The following ERI1 variants were observed in gnomAD, a reference collection of about 807,000 sequenced individuals.
ERI1 encodes the protein exoribonuclease 1, also known as 3'-5' exoribonuclease 1.
In ERI1, 39 loss-of-function variants were observed where a neutral mutation model predicts 39.7. The ratio of observed to expected loss-of-function variants is 0.98; its 90% CI spans 0.76 to 1.28. The LOEUF is 1.28. Among genes scored for constraint, ERI1 ranks in the 50% most tolerant of loss-of-function variants. The pLI is 0.00. For synonymous variants in ERI1, 204 were observed against 149.6 expected, an observed-to-expected ratio of 1.36 and a Z score of -2.65; for missense variants, 581 against 416.9, an observed-to-expected ratio of 1.39 and a Z score of -3.43.
chr8:9,048,394 T>C (rs1798245910), intron 3 of ERI1: 1 of 154,382 alleles, frequency 6.5e-6, no homozygotes, highest in East Asian at 1.9e-4. Context: ...CCTGGCACAT[T>C]ACTCAATTGA....
chr8:9,026,246 T>C (rs1818462392), intron 6 of ERI1, among the ~76,000 whole-genome samples: 5 of 152,190 alleles, frequency 3.3e-5, no homozygotes, highest in Admixed American at 1.3e-4. Context: ...ATAACACTTG[T>C]TGTTCACTTA....
intron 6 of ERI1, among the ~76,000 whole-genome samples, chr8:9,021,787 T>C (rs1817933280): frequency 6.7e-6 from 1 of 148,930 alleles, no homozygotes; most frequent in African/African-American, 2.5e-5. Context: ...TTTTTTTTTT[T>C]TTCAATATTA....
At chr8:9,063,148 C>G (rs2921374) in intron 3 of ERI1, among the ~76,000 whole-genome samples, 127,349 of 152,168 alleles carry the variant, frequency 0.84, 54,056 homozygotes, top group South Asian at 0.92. Context: ...TTAATGTCGG[C>G]AGCAGATTGG....
chr8:9,090,527 T>C lies in ERI1; in HGVS notation n.300-25821T>C, dbSNP rs559721918. Among the ~76,000 whole-genome samples the C allele has an allele frequency of 2.0e-5, 3 of 152,334 alleles. No individual in the cohort carries two copies. The South Asian group carries it at 6.2e-4, about 32-fold the overall frequency. On this transcript the variant is annotated intron_variant and non_coding_transcript_variant, in intron 3 of 3. Coordinates refer to the ERI1 transcript ENST00000518663. ...GAGTGGAAAATGAAGTAGAATACGT[T>C]GGAATTACACAGTCTGTGAAGATGA... is the stretch of plus-strand genomic sequence containing the variant.
intron 3 of ERI1, among the ~76,000 whole-genome samples, chr8:9,015,089 G>C (rs1161133044): frequency 6.6e-6 from 1 of 151,982 alleles, no homozygotes; most frequent in African/African-American, 2.4e-5. Flanking sequence ...CACCCCCCTT[G>C]GCCTCCCAGA....
At chr8:9,027,890 G>A (rs1797298193) in intron 6 of ERI1, among the ~76,000 whole-genome samples, 2 of 152,144 alleles carry the variant, frequency 1.3e-5, no homozygotes, top group African/African-American at 4.8e-5. Flanking sequence ...TTTTTTAAAT[G>A]TTGAGCCATC....
At chr8:9,006,390 C>G (rs1306441548) in intron 1 of ERI1, among the ~76,000 whole-genome samples, 1 of 152,150 alleles carries the variant, frequency 6.6e-6, no homozygotes, top group Non-Finnish European at 1.5e-5. Context: ...ATTTTTCTAG[C>G]TACAGTTTAG....
At chr8:9,029,679 G>C (rs759364711) in intron 6 of ERI1, 113 bp from the exon 7 acceptor site, 32 of 1,307,878 alleles carry the variant, frequency 2.4e-5, no homozygotes, top group Non-Finnish European at 3.3e-5. Context: ...CCTTTGCCTA[G>C]CTTTATTTAG....
At chr8:9,023,009 A>T (rs754714433) in intron 6 of ERI1, among the ~76,000 whole-genome samples, 3 of 152,228 alleles carry the variant, frequency 2.0e-5, no homozygotes, top group Non-Finnish European at 4.4e-5. Context: ...AAAAATTAGC[A>T]GTAATTCCTT....
intron 3 of ERI1, among the ~76,000 whole-genome samples, chr8:9,050,633 G>T (rs566481517): frequency 6.6e-6 from 1 of 152,114 alleles, no homozygotes; most frequent in African/African-American, 2.4e-5. Context: ...TCACCAGAGT[G>T]TAGGCCAAGC....
Position 9,003,059 on chromosome 8 carries a change from C to A in ERI1, c.-5C>A. 1 of 1,246,110 alleles carries A rather than the reference C, an allele frequency of 8.0e-7. No homozygotes were observed. The highest frequency in any genetic ancestry group is 1.0e-6 in the Non-Finnish European group (1 of 986,982). The allele number at this position is 1,246,110 out of a possible 1,614,324, so 77.2% of individuals were successfully genotyped here. On this transcript the variant is annotated 5_prime_UTR_variant, in exon 1 of 7. Transcript: ENST00000250263. Reference sequence around the variant, plus strand: ...CAGCAACTCTCCTCTGGCGTGACAGCCGGCATGGAGGATCCACAGAGTAAA... The same window carrying A: ...CAGCAACTCTCCTCTGGCGTGACAGACGGCATGGAGGATCCACAGAGTAAA...
intron 1 of ERI1, chr8:9,004,409 G>A (rs1002598483): frequency 2.0e-6 from 1 of 503,554 alleles, no homozygotes; most frequent in African/African-American, 2.1e-5. Flanking sequence ...TTAAGGCCTA[G>A]GTCTCTGTTC....
At chr8:9,064,260 C>G (rs1423410828) in intron 3 of ERI1, among the ~76,000 whole-genome samples, 2 of 150,808 alleles carry the variant, frequency 1.3e-5, no homozygotes, top group African/African-American at 4.9e-5. Context: ...TTTCTTGCCC[C>G]CCAGAAAAGC....
chr8:9,038,887 C>T (rs1797934203), intron 3 of ERI1, among the ~76,000 whole-genome samples: 1 of 152,096 alleles, frequency 6.6e-6, no homozygotes. Context: ...AAAGGGGGTC[C>T]AGCATCAATT....
chr8:9,039,388 T>C (rs1179542505), intron 3 of ERI1, among the ~76,000 whole-genome samples: 1 of 152,176 alleles, frequency 6.6e-6, no homozygotes, highest in Non-Finnish European at 1.5e-5. Context: ...ATGAATCAAA[T>C]CAGACTGACT....
chr8:9,072,565 C>T (rs886713827), intron 3 of ERI1: 9 of 152,034 alleles, frequency 5.9e-5, no homozygotes, highest in African/African-American at 1.7e-4. Context: ...AGGATCCTTC[C>T]GTCGCCGCCT....
chr8:9,039,155 T>C (rs1563349261), intron 3 of ERI1, among the ~76,000 whole-genome samples: 1 of 152,238 alleles, frequency 6.6e-6, no homozygotes, highest in Non-Finnish European at 1.5e-5. Context: ...TACCTGTTAC[T>C]CTTTAACCTA....
At chr8:9,016,290 A>T (rs764633395) in intron 3 of ERI1, 32 bp from the exon 4 acceptor site, 1 of 1,416,392 alleles carries the variant, frequency 7.1e-7, no homozygotes, top group South Asian at 1.2e-5. Context: ...AACTCATATA[A>T]ATTACTTTAA....
At chr8:9,058,675 T>A (rs1798589599) in intron 3 of ERI1, among the ~76,000 whole-genome samples, 1 of 152,220 alleles carries the variant, frequency 6.6e-6, no homozygotes, top group African/African-American at 2.4e-5. Flanking sequence ...ATTTCCTATC[T>A]TGGCAACCAT....
Sources: allele counts gnomAD v4.1 joint callset (sites outside exome capture counted in the v4.1 genomes callset), GRCh38; gene constraint gnomAD v4.1.1; transcripts MANE v1.5; gene names NCBI Gene and HGNC (gene_info 2026-07-23, HGNC 2026-07-21).